The following SHANK2 variants were observed in gnomAD, a reference collection of about 807,000 sequenced individuals.
The protein encoded by SHANK2 is SH3 and multiple ankyrin repeat domains protein 2.
Under a neutral mutation model 133.7 loss-of-function variants are expected in SHANK2, and 43 were observed. The observed-to-expected ratio is 0.32, with a 90% CI of 0.25 to 0.41. The LOEUF is 0.41. Ranked by LOEUF, SHANK2 falls within the 10% of genes least tolerant of loss-of-function variation. SHANK2 has a pLI of 1.00. For missense variants in SHANK2, 1,994 were observed against 2,235.8 expected (o/e 0.89, Z 2.18); for synonymous variants, 1,017 against 952.8 (o/e 1.07, Z -1.24).
At chr11:70,838,243 T>C (rs1235848670) in intron 11 of SHANK2, among the ~76,000 whole-genome samples, 1 of 152,176 alleles carries the variant, frequency 6.6e-6, no homozygotes, top group Non-Finnish European at 1.5e-5. Flanking sequence ...AAGTGGGAGC[T>C]TATCAATACA....
chr11:70,678,433 C>A (rs1434962259), intron 15 of SHANK2, among the ~76,000 whole-genome samples: 1 of 151,994 alleles, frequency 6.6e-6, no homozygotes, highest in Non-Finnish European at 1.5e-5. Flanking sequence ...CACGCCCAGC[C>A]TCCTGCCTGT....
chr11:70,662,043 G>GGCGGCGGCAGCGGCGGCCTCAGCA (rs1944560393), intron 15 of SHANK2: 1 of 516,084 alleles, frequency 1.9e-6, no homozygotes, highest in Non-Finnish European at 3.5e-6. Context: ...CCCGAACGGC[G>GGCGGCGGCAGCGGCGGCCTCAGCA]GCGGCGGCAG....
At chr11:71,122,952 C>T (rs1555101814) in intron 3 of SHANK2, among the ~76,000 whole-genome samples, 2 of 152,068 alleles carry the variant, frequency 1.3e-5, no homozygotes, top group South Asian at 2.1e-4. Flanking sequence ...AACTCATAAA[C>T]GTGTGAATCA....
intron 10 of SHANK2, among the ~76,000 whole-genome samples, chr11:70,916,675 G>A (rs1555079930): frequency 6.6e-6 from 1 of 152,128 alleles, no homozygotes; most frequent in Non-Finnish European, 1.5e-5. Context: ...CCCTTCGCCT[G>A]GCACAGCATT....
At chr11:70,484,299 A>G (rs2058772834) in intron 25 of SHANK2, among the ~76,000 whole-genome samples, 1 of 152,162 alleles carries the variant, frequency 6.6e-6, no homozygotes, top group Non-Finnish European at 1.5e-5. Flanking sequence ...TGATCAGATC[A>G]TGGTGGGGGA....
chr11:70,815,633 T>A (rs797035034), intron 12 of SHANK2, among the ~76,000 whole-genome samples: 104 of 152,234 alleles, frequency 6.8e-4, no homozygotes, highest in African/African-American at 2.4e-3. Flanking sequence ...CGAACCAGGG[T>A]TGGCACCTCC....
intron 14 of SHANK2, among the ~76,000 whole-genome samples, chr11:70,725,361 C>T (rs1946157232): frequency 6.6e-6 from 1 of 152,162 alleles, no homozygotes; most frequent in South Asian, 2.1e-4. Context: ...AAAAGCTGAG[C>T]GTGGCAGGAG....
chr11:70,805,801 C>T (rs1330921662), intron 13 of SHANK2, among the ~76,000 whole-genome samples: 15 of 152,182 alleles, frequency 9.9e-5, no homozygotes, highest in Admixed American at 5.9e-4. Flanking sequence ...ACTCAAAAGA[C>T]GGACTTAACA....
At chr11:70,617,412 C>A (rs1371197139) in intron 17 of SHANK2, among the ~76,000 whole-genome samples, 2 of 152,146 alleles carry the variant, frequency 1.3e-5, no homozygotes, top group Non-Finnish European at 2.9e-5. Flanking sequence ...AATGTGGCCC[C>A]CAGGCCAGAG....
intron 2 of SHANK2, 100 bp from the exon 3 acceptor site, chr11:71,147,438 G>A (rs1228557089): frequency 2.1e-5 from 19 of 900,106 alleles, no homozygotes; most frequent in South Asian, 7.8e-5. Context: ...ACGTGGGCTC[G>A]GTTTCACAGT....
In SHANK2 at chr11:70,486,796, G is replaced by T. The variant is rs781885659; in HGVS notation, c.3497C>A (p.Pro1166Gln). Residue 1166 changes from proline to glutamine, a missense_variant, in exon 25 of 26, where the codon CCG (proline) becomes CAG (glutamine). This residue lies in a region of SHANK2 where 797 missense variants were observed against 907.4 expected (regional missense o/e 0.88). Coordinates refer to ENST00000601538, the MANE Select transcript of SHANK2 (RefSeq NM_012309.5). The surrounding 1 kb of genome is among the most constrained non-coding windows in gnomAD (Gnocchi z 8.0). ...HFVGGAEASAPGEAGRPLNST... is the reference protein window; with the variant it reads ...HFVGGAEASAQGEAGRPLNST... ...ATTCAGCGGCCTCCCAGCCTCACCC[G>T]GAGCACTGGCCTCGGCGCCACCCAC... 2 of 1,612,170 alleles carry T rather than the reference G, an allele frequency of 1.2e-6. No homozygotes were observed. Among genetic ancestry groups the T allele is most frequent in the South Asian group, 2.2e-5 (2 of 91,084 alleles).
chr11:70,691,973 C>T (rs1466925451), intron 15 of SHANK2, among the ~76,000 whole-genome samples: 1 of 152,074 alleles, frequency 6.6e-6, no homozygotes, highest in Non-Finnish European at 1.5e-5. Context: ...TCTTGCCCTG[C>T]CCCAAACTAT....
At chr11:70,710,853 C>T (rs368330439) in intron 14 of SHANK2, among the ~76,000 whole-genome samples, 2 of 152,280 alleles carry the variant, frequency 1.3e-5, no homozygotes, top group East Asian at 3.9e-4. Context: ...GCCTCGGGGT[C>T]GGGGGTGTGA....
intron 2 of SHANK2, among the ~76,000 whole-genome samples, chr11:71,199,563 A>C (rs1953977891): frequency 6.6e-6 from 1 of 152,196 alleles, no homozygotes; most frequent in Non-Finnish European, 1.5e-5. Flanking sequence ...CTTCGCTAAA[A>C]CGTGCACACT....
At chr11:71,152,038 C>G (rs2135428424) in intron 2 of SHANK2, among the ~76,000 whole-genome samples, 1 of 152,272 alleles carries the variant, frequency 6.6e-6, no homozygotes, top group South Asian at 2.1e-4. Flanking sequence ...TCTGGTGTTG[C>G]CAGGCCTGCA....
Position 70,485,412 on chromosome 11 carries a change from C to G in SHANK2, c.4881G>C (p.Leu1627Phe). ...SGPKANVISE[L>F]NSILQQMNRE... is the part of the protein sequence containing the mutation. ...GGTTCATTTGCTGTAGGATAGAGTT[C>G]AATTCACTAATAACGTTTGCCTTTG... Residue 1627 changes from leucine (L) to phenylalanine (F), a missense_variant, in exon 25 of 26, where the codon TTG becomes TTC. This residue lies in a region of SHANK2 where 797 missense variants were observed against 907.4 expected (regional missense o/e 0.88). Coordinates refer to ENST00000601538, the MANE Select transcript of SHANK2 (RefSeq NM_012309.5). The surrounding 1 kb of genome is among the most constrained non-coding windows in gnomAD (Gnocchi z 5.8). 1 of 1,614,044 alleles carries G rather than the reference C, an allele frequency of 6.2e-7. No homozygotes were observed. The highest frequency in any genetic ancestry group is 8.5e-7 in the Non-Finnish European group (1 of 1,180,040).
At chr11:70,913,733 G>A (rs112523433) in intron 10 of SHANK2, among the ~76,000 whole-genome samples, 25 of 152,288 alleles carry the variant, frequency 1.6e-4, no homozygotes, top group African/African-American at 2.4e-4. Context: ...GACTTCATGC[G>A]GAAACATACC....
chr11:70,613,317 C>T (rs1554994899), intron 17 of SHANK2, among the ~76,000 whole-genome samples: 1 of 152,054 alleles, frequency 6.6e-6, no homozygotes, highest in East Asian at 1.9e-4. Flanking sequence ...CATTCTCCTG[C>T]CTCCGCCTCC....
At chr11:70,614,312 G>GGT (rs1554995306) in intron 17 of SHANK2, among the ~76,000 whole-genome samples, 5 of 147,082 alleles carry the variant, frequency 3.4e-5, no homozygotes, top group Non-Finnish European at 7.5e-5. Context: ...CAGTCTGTGG[G>GGT]TTTTGTTTTT....
Sources: gnomAD v4.1 joint callset for allele counts (sites outside exome capture counted in the v4.1 genomes callset) on GRCh38, gnomAD v4.1.1 for gene constraint, gnomAD v4.1.1 regional missense constraint, Gnocchi (gnomAD v3.1) non-coding constraint, MANE v1.5 for transcripts, NCBI Gene and HGNC (gene_info 2026-07-23, HGNC 2026-07-21) for gene names.